The following VEGFD variants were observed in gnomAD, a reference collection of about 807,000 sequenced individuals.
VEGFD encodes the protein vascular endothelial growth factor D, also known as c-fos induced growth factor (vascular endothelial growth factor D).
In VEGFD, 26 loss-of-function variants were observed where a neutral mutation model predicts 28.0. The ratio of observed to expected loss-of-function variants is 0.93; its 90% CI spans 0.68 to 1.29. The LOEUF is 1.29. VEGFD is among the 50% of genes most tolerant of loss of function. VEGFD has a pLI of 0.00. For missense variants in VEGFD, 294 were observed against 273.4 expected, an observed-to-expected ratio of 1.08 and a Z score of -0.53; for synonymous variants, 93 against 95.5, an observed-to-expected ratio of 0.97 and a Z score of 0.15.
At position 15,383,857 on chromosome X, in the gene VEGFD, C is replaced by T. The variant is rs753156573; in HGVS notation, c.90G>A (p.Lys30=). The T allele has an allele frequency of 1.1e-5, 13 of 1,201,599 alleles. No individual in the cohort carries two copies. The East Asian group carries it at 1.5e-4, about 14-fold the overall frequency. Residue 30 remains lysine (K), a splice_region_variant and synonymous_variant, in exon 1 of 7, where the codon AAG becomes AAA. Transcript: ENST00000297904. ...QGSSNEHGPV[K]RSSQSTLERS... ...CACATTAAAAATTGAGCTCACCTACCTTCACTGGTCCATGTTCATTACTGG... is the reference window on the plus strand; with the variant it reads ...CACATTAAAAATTGAGCTCACCTACTTTCACTGGTCCATGTTCATTACTGG...
intron 1 of VEGFD, among the ~76,000 whole-genome samples, chrX:15,379,133 G>C (rs1350538879): frequency 1.8e-5 from 2 of 111,584 alleles, no homozygotes; most frequent in Non-Finnish European, 3.8e-5. Context: ...CCCCCTACTT[G>C]ATTTTCTTCA....
In VEGFD at chrX:15,374,358, G is replaced by A. The variant is rs778617921; in HGVS notation, c.90+9499C>T. On this transcript the variant is annotated intron_variant, in intron 1 of 6. Transcript: ENST00000297904. The stretch of plus-strand genomic sequence containing the variant: ...TCAATGGGTGAACGGTTCAGCAATC[G>A]ATGTAATACTACTCAGCAATAAAAA... 5.4e-5 allele frequency among the ~76,000 whole-genome samples: 6 copies of A among 112,113 alleles called. No homozygotes were observed. The East Asian group carries it at 8.4e-4, about 16-fold the overall frequency.
At chrX:15,348,968 C>A (rs1366407518) in intron 5 of VEGFD, among the ~76,000 whole-genome samples, 14 of 112,410 alleles carry the variant, frequency 1.2e-4, no homozygotes, top group Admixed American at 1.1e-3. Flanking sequence ...TTGCCAATAT[C>A]TGACTTTAAT....
chrX:15,365,692 C>T (rs1923129155), intron 1 of VEGFD, among the ~76,000 whole-genome samples: 1 of 111,964 alleles, frequency 8.9e-6, no homozygotes, highest in Non-Finnish European at 1.9e-5. Flanking sequence ...TTATCATTTT[C>T]ATTATTCCAC....
chrX:15,350,721 CTTTCTT>C (rs1282436599), intron 5 of VEGFD, among the ~76,000 whole-genome samples: 3 of 110,256 alleles, frequency 2.7e-5, no homozygotes, highest in African/African-American at 9.9e-5. Flanking sequence ...CTTTCTTTCT[CTTTCTT>C]TCTTTCTATC....
chrX:15,377,775 C>A (rs960920242), intron 1 of VEGFD, among the ~76,000 whole-genome samples: 4 of 111,234 alleles, frequency 3.6e-5, no homozygotes, highest in African/African-American at 1.3e-4. Context: ...GTGAGGCGCT[C>A]TCAGGCTCTC....
At chrX:15,355,120 C>A in intron 4 of VEGFD, 30 bp downstream of exon 4, 1 of 1,130,236 alleles carries the variant, frequency 8.8e-7, no homozygotes, top group East Asian at 3.2e-5. Flanking sequence ...AAGCATAATC[C>A]AGTATAAAAA....
intron 1 of VEGFD, among the ~76,000 whole-genome samples, chrX:15,367,029 C>T (rs1312097461): frequency 1.8e-5 from 2 of 111,407 alleles, no homozygotes; most frequent in Non-Finnish European, 1.9e-5. Flanking sequence ...TTAATAAAAG[C>T]GGGAGAATTA....
At chrX:15,352,279 A>G (rs1221850938) in intron 5 of VEGFD, among the ~76,000 whole-genome samples, 2 of 110,617 alleles carry the variant, frequency 1.8e-5, no homozygotes, top group Non-Finnish European at 3.8e-5. Flanking sequence ...AAAACAAGCA[A>G]GGTTAAAACT....
rs369978884 is a variant in VEGFD at position 15,361,977 on chromosome X, T to C, written c.301+1132A>G. On this transcript the variant is annotated intron_variant, in intron 2 of 6. Coordinates refer to ENST00000297904, the MANE Select transcript of VEGFD (RefSeq NM_004469.5). ...TCCGCCTCCTGGGTTCAAGTGATTC[T>C]CCTGCCTCAGCCTCCCAAGTAGTTG... Among the ~76,000 whole-genome samples the C allele has an allele frequency of 5.4e-5, 6 of 111,813 alleles. No individual in the cohort carries two copies. The East Asian group carries it at 1.1e-3, about 21-fold the overall frequency.
rs921334875 is a variant in VEGFD at position 15,384,229 on chromosome X, C to T, written c.-283G>A. On this transcript the variant is annotated 5_prime_UTR_variant, in exon 1 of 7. Coordinates refer to ENST00000297904, the MANE Select transcript of VEGFD (RefSeq NM_004469.5). ...ATGTCTTCTACCTGAAATTAGAAAGCACTCTAAATTTACTTCATGTCCAGA... is the reference window on the plus strand; with the variant it reads ...ATGTCTTCTACCTGAAATTAGAAAGTACTCTAAATTTACTTCATGTCCAGA... The T allele has an allele frequency of 8.9e-6, 2 of 225,088 alleles. No homozygotes were observed. Among genetic ancestry groups the T allele is most frequent in the African/African-American group, 5.9e-5 (2 of 34,167 alleles). 18.5% of individuals were successfully genotyped at this position (225,088 alleles called of 1,213,427 possible). A position where few individuals can be genotyped will look rare whatever the true frequency, so the allele number is the denominator to read the frequency against.
intron 1 of VEGFD, among the ~76,000 whole-genome samples, chrX:15,373,264 G>T (rs938696785): frequency 8.9e-6 from 1 of 111,935 alleles, no homozygotes; most frequent in Admixed American, 9.5e-5. Flanking sequence ...AAGGCCATCA[G>T]CAAAGAAGGT....
chrX:15,380,040 T>C (rs767268161), intron 1 of VEGFD, among the ~76,000 whole-genome samples: 1 of 112,583 alleles, frequency 8.9e-6, no homozygotes, highest in Non-Finnish European at 1.9e-5. Flanking sequence ...TTAAAACAGA[T>C]GTGTATAGAA....
intron 1 of VEGFD, among the ~76,000 whole-genome samples, chrX:15,364,423 T>C (rs1923095804): frequency 8.9e-6 from 1 of 111,912 alleles, no homozygotes; most frequent in Non-Finnish European, 1.9e-5. Context: ...ATTTTCAGTA[T>C]GTAGCCTCTT....
intron 3 of VEGFD, 118 bp from the exon 4 acceptor site, chrX:15,355,416 C>T: frequency 1.8e-6 from 1 of 545,803 alleles, no homozygotes; most frequent in South Asian, 4.8e-5. Context: ...GCCAAGTTGT[C>T]CATTAAGAAT....
chrX:15,346,306 A>C, intron 6 of VEGFD, 47 bp from the exon 7 acceptor site: 1 of 1,165,225 alleles, frequency 8.6e-7, no homozygotes, highest in Non-Finnish European at 1.2e-6. Flanking sequence ...CAATGACTGG[A>C]TTCAAAAGAA....
At chrX:15,346,660 G>A (rs1427271968) in intron 6 of VEGFD, among the ~76,000 whole-genome samples, 10 of 112,033 alleles carry the variant, frequency 8.9e-5, no homozygotes, top group Admixed American at 5.6e-4. Context: ...CCGGGTGGGC[G>A]CGGTGGCTCA....
chrX:15,352,173 G>C (rs1297484825), intron 5 of VEGFD, among the ~76,000 whole-genome samples: 3 of 112,402 alleles, frequency 2.7e-5, no homozygotes, highest in Non-Finnish European at 5.6e-5. Flanking sequence ...AGGAAGCTGA[G>C]AGGCAGAAGA....
intron 5 of VEGFD, among the ~76,000 whole-genome samples, chrX:15,351,147 G>A (rs1035419453): frequency 1.2e-5 from 1 of 80,126 alleles, no homozygotes; most frequent in Non-Finnish European, 2.3e-5. Context: ...ACGGAGTCTC[G>A]CTCTGTTGCC....
Sources: allele counts gnomAD v4.1 joint callset (sites outside exome capture counted in the v4.1 genomes callset), GRCh38; gene constraint gnomAD v4.1.1; transcripts MANE v1.5; gene names NCBI Gene and HGNC (gene_info 2026-07-23, HGNC 2026-07-21).